Variants in PATJ observed in about 807,000 individuals in gnomAD.
PATJ encodes the protein PATJ crumbs cell polarity complex component.
A neutral mutation model predicts 224.9 loss-of-function variants in PATJ; 190 were observed. That is an observed-to-expected ratio of 0.84 (90% confidence interval 0.75 to 0.95). The LOEUF is 0.95. PATJ is among the 40% of genes least tolerant of loss of function. PATJ has a pLI of 0.00. For missense variants in PATJ, 2,121 were observed against 2,270.3 expected, an observed-to-expected ratio of 0.93 and a Z score of 1.34; for synonymous variants, 769 against 820.3, an observed-to-expected ratio of 0.94 and a Z score of 1.07.
intron 9 of PATJ, among the ~76,000 whole-genome samples, chr1:61,793,903 A>ATT (rs35202164): frequency 1.4e-3 from 186 of 137,046 alleles, no homozygotes; most frequent in East Asian, 1.7e-3. Context: ...TTCTTCTACA[A>ATT]TTTTTTTTTT....
chr1:62,047,844 A>C (rs867237749), intron 30 of PATJ, among the ~76,000 whole-genome samples: 1 of 152,316 alleles, frequency 6.6e-6, no homozygotes, highest in African/African-American at 2.4e-5. Context: ...TGAGAAGAGG[A>C]TGTTCTATCT....
intron 17 of PATJ, among the ~76,000 whole-genome samples, chr1:61,842,844 G>A (rs1174962850): frequency 6.6e-6 from 1 of 152,082 alleles, no homozygotes; most frequent in Non-Finnish European, 1.5e-5. Context: ...TCTTCTACCT[G>A]TAGCAATGGA....
intron 31 of PATJ, 125 bp from the exon 32 acceptor site, chr1:62,079,325 C>T: frequency 1.6e-6 from 1 of 633,450 alleles, no homozygotes; most frequent in Non-Finnish European, 2.8e-6. Context: ...CACCCTCCAA[C>T]CTTATATTCT....
chr1:61,869,167 C>G (rs373650777), intron 20 of PATJ, among the ~76,000 whole-genome samples: 1 of 135,126 alleles, frequency 7.4e-6, no homozygotes, highest in East Asian at 2.2e-4. Context: ...AGTGCAGTGG[C>G]GCCATCTCGG....
chr1:61,743,880 G>C (rs914521159), intron 1 of PATJ, among the ~76,000 whole-genome samples: 2 of 152,316 alleles, frequency 1.3e-5, no homozygotes, highest in Admixed American at 1.3e-4. Context: ...TATATGCATG[G>C]AAGAGGGGAG....
Position 61,921,581 on chromosome 1 carries a change from G to C in PATJ, c.3571-6149G>C, listed in dbSNP as rs1674345989. 2.6e-5 allele frequency among the ~76,000 whole-genome samples: 4 copies of C among 152,108 alleles called. No individual in the cohort carries two copies. The South Asian group carries it at 8.3e-4, about 32-fold the overall frequency. ...TAGAGGTACAAGCCTTTATTTTCAGGGATAGGAATTTGGGAGGGTGATATT... is the reference window on the plus strand; with the variant it reads ...TAGAGGTACAAGCCTTTATTTTCAGCGATAGGAATTTGGGAGGGTGATATT... On this transcript the variant is annotated intron_variant, in intron 26 of 43. Transcript: ENST00000642238.
At chr1:61,812,423 A>AGTGTGTGT (rs1655018114) in intron 14 of PATJ, among the ~76,000 whole-genome samples, 1 of 114,418 alleles carries the variant, frequency 8.7e-6, no homozygotes, top group African/African-American at 3.3e-5. Context: ...AGAGAGAGAG[A>AGTGTGTGT]GAGAGAGAGA....
intron 43 of PATJ, among the ~76,000 whole-genome samples, chr1:62,155,841 A>G (rs1410414232): frequency 6.7e-6 from 1 of 149,060 alleles, no homozygotes; most frequent in East Asian, 2.1e-4. Flanking sequence ...GCAGATCACG[A>G]GGTCCGGAGA....
intron 4 of PATJ, among the ~76,000 whole-genome samples, chr1:61,769,069 TC>T (rs1310873298): frequency 1.4e-4 from 21 of 152,190 alleles, no homozygotes; most frequent in Admixed American, 1.3e-4. Flanking sequence ...TACCTCTGAT[TC>T]CCTGAGGTTG....
intron 32 of PATJ, among the ~76,000 whole-genome samples, chr1:62,080,505 C>T (rs7537716): frequency 0.27 from 40,808 of 151,520 alleles, 6,328 homozygotes; most frequent in African/African-American, 0.41. Flanking sequence ...CTAATTTTTA[C>T]ATTTTTAGTA....
At position 61,823,017 on chromosome 1, in the gene PATJ, A is replaced by T; in HGVS notation, c.1756A>T (p.Ile586Phe). 1 of 1,614,082 alleles carries T rather than the reference A, an allele frequency of 6.2e-7. No individual in the cohort carries two copies. Among genetic ancestry groups the T allele is most frequent in the East Asian group, 2.2e-5 (1 of 44,870 alleles). ...TGATGGGCACCATTATATTTCTTCA[A>T]TTGTTTCTGGTGGTCCTGTTGATAC... ...SFDGHHYISS[I>F]VSGGPVDTLG... Residue 586 changes from isoleucine (I) to phenylalanine (F), a missense_variant, in exon 15 of 44, where the codon ATT becomes TTT. Ile to Phe is a conservative substitution (Grantham distance 21). Coordinates refer to ENST00000642238, the MANE Select transcript of PATJ (RefSeq NM_001350145.3).
intron 15 of PATJ, among the ~76,000 whole-genome samples, chr1:61,825,353 T>G (rs1658053639): frequency 6.6e-6 from 1 of 152,128 alleles, no homozygotes; most frequent in Non-Finnish European, 1.5e-5. Context: ...TAATTGAGAT[T>G]TGACAGCACT....
intron 28 of PATJ, chr1:61,991,857 A>ACAC (rs1645081364): frequency 2.3e-5 from 10 of 443,838 alleles, no homozygotes; most frequent in Admixed American, 1.3e-4. Context: ...TGCTGGTAGT[A>ACAC]AAAATGATGA....
At chr1:61,900,566 A>G (rs982047106) in intron 23 of PATJ, among the ~76,000 whole-genome samples, 1 of 145,430 alleles carries the variant, frequency 6.9e-6, no homozygotes, top group Non-Finnish European at 1.5e-5. Context: ...TTTTGCCGAA[A>G]TGACATATGT....
Position 61,766,420 on chromosome 1 carries a change from A to T in PATJ, c.331A>T (p.Thr111Ser). Residue 111 changes from threonine to serine, a missense_variant, in exon 4 of 44, where the codon ACC (threonine) becomes TCC (serine). By Grantham distance (58) the Thr-to-Ser change is moderately conservative. Transcript: ENST00000642238. The part of the protein sequence containing the change: ...NSTVSGLFPW[T>S]PKLGNEDFNS... ...GACTGTATCTGGGTTATTTCCGTGG[A>T]CCCCGAAGTTGGGAAATGAAGACTT... is the stretch of plus-strand genomic sequence containing the variant. The T allele has an allele frequency of 6.2e-7, 1 of 1,610,288 alleles. No individual in the cohort carries two copies. The highest frequency in any genetic ancestry group is 1.1e-5 in the South Asian group (1 of 89,908).
At chr1:62,004,300 G>A (rs1331830285) in intron 28 of PATJ, among the ~76,000 whole-genome samples, 1 of 152,116 alleles carries the variant, frequency 6.6e-6, no homozygotes, top group African/African-American at 2.4e-5. Flanking sequence ...GATGACAATG[G>A]TAATGAAAAT....
chr1:62,149,076 CAA>C (rs1201994503), intron 42 of PATJ, among the ~76,000 whole-genome samples: 1 of 142,770 alleles, frequency 7.0e-6, no homozygotes, highest in East Asian at 2.1e-4. Flanking sequence ...TGCAGTGAGC[CAA>C]GATTGCACTA....
intron 27 of PATJ, among the ~76,000 whole-genome samples, chr1:61,939,316 T>TACAC (rs1198176481): frequency 4.8e-5 from 2 of 41,352 alleles, no homozygotes; most frequent in Non-Finnish European, 9.2e-5. Flanking sequence ...AAACTTTGCA[T>TACAC]TCACACACAC....
intron 30 of PATJ, chr1:62,039,009 C>G: frequency 1.6e-6 from 2 of 1,251,142 alleles, no homozygotes; most frequent in Non-Finnish European, 2.3e-6. Flanking sequence ...TAACCTCTGA[C>G]CCCACTGATA....
Sources: gnomAD v4.1 joint callset for allele counts (sites outside exome capture counted in the v4.1 genomes callset) on GRCh38, gnomAD v4.1.1 for gene constraint, MANE v1.5 for transcripts, NCBI Gene and HGNC (gene_info 2026-07-23, HGNC 2026-07-21) for gene names.